The following PTPRA variants were observed in gnomAD, a reference collection of about 807,000 sequenced individuals.
The protein encoded by PTPRA is receptor-type tyrosine-protein phosphatase alpha.
A neutral mutation model predicts 104.8 loss-of-function variants in PTPRA; 25 were observed. The observed-to-expected ratio is 0.24, with a 90% CI of 0.17 to 0.33. The LOEUF is 0.33. Ranked by LOEUF, PTPRA falls within the 10% of genes least tolerant of loss-of-function variation. The pLI, the probability that PTPRA is intolerant of heterozygous loss-of-function variation, is 1.00. For missense variants in PTPRA, 765 were observed against 1,015.3 expected (o/e 0.75, Z 3.35); for synonymous variants, 323 against 368.9 (o/e 0.88, Z 1.43).
chr20:2,942,057 A>T (rs569010075), intron 2 of PTPRA, among the ~76,000 whole-genome samples: 1 of 152,238 alleles, frequency 6.6e-6, no homozygotes, highest in Non-Finnish European at 1.5e-5. Context: ...TAGTAGAAGG[A>T]ACAGGGCCTA....
rs147327436 is a variant in PTPRA at position 2,963,874 on chromosome 20, A to G, written c.-6-398A>G. ...GACAACATAGTGAGACGCCGTCTCT[A>G]CAGAAAATTTTAAAAATTAGCCAGG... On this transcript the variant is annotated intron_variant, in intron 3 of 23. Transcript: ENST00000399903. 4.9e-3 allele frequency among the ~76,000 whole-genome samples: 738 copies of G among 152,150 alleles called. 6 individuals are homozygous for G. Among genetic ancestry groups the G allele is most frequent in the African/African-American group, 0.016 (684 of 41,530 alleles).
chr20:2,923,972 A>G (rs1166936059), intron 2 of PTPRA, among the ~76,000 whole-genome samples: 6 of 152,248 alleles, frequency 3.9e-5, no homozygotes, highest in Non-Finnish European at 8.8e-5. Flanking sequence ...CTAATAACCC[A>G]GGAATTTCAA....
intron 2 of PTPRA, among the ~76,000 whole-genome samples, chr20:2,942,674 G>A (rs2060963264): frequency 6.6e-6 from 1 of 151,464 alleles, no homozygotes; most frequent in African/African-American, 2.4e-5. Context: ...TGAATCTCCA[G>A]CCTGCCAGCC....
the PTPRA span, chr20:2,866,077 G>T: frequency 1.3e-6 from 1 of 751,702 alleles, no homozygotes. Flanking sequence ...TGGGGGTTGG[G>T]GGATTATATG....
At chr20:2,961,356 C>A (rs913493942) in intron 3 of PTPRA, among the ~76,000 whole-genome samples, 3 of 152,110 alleles carry the variant, frequency 2.0e-5, no homozygotes, top group Admixed American at 6.5e-5. Flanking sequence ...GTAGTGGTAT[C>A]CCGTTTTAAT....
chr20:3,004,755 C>T (rs2063789071), intron 9 of PTPRA, among the ~76,000 whole-genome samples: 1 of 152,196 alleles, frequency 6.6e-6, no homozygotes, highest in African/African-American at 2.4e-5. Context: ...CCTTTTGGCC[C>T]AGTATCATAA....
chr20:3,019,484 G>A (rs1401364207), intron 13 of PTPRA, among the ~76,000 whole-genome samples: 1 of 151,604 alleles, frequency 6.6e-6, no homozygotes, highest in Non-Finnish European at 1.5e-5. Flanking sequence ...CGGGGCGGCA[G>A]GGCAGAGGTG....
chr20:2,908,895 T>C (rs2059524401), intron 1 of PTPRA, among the ~76,000 whole-genome samples: 2 of 152,278 alleles, frequency 1.3e-5, no homozygotes, highest in African/African-American at 2.4e-5. Context: ...TATGCATTAA[T>C]AAAAAATAAA....
At chr20:2,989,982 A>G (rs2063098853) in intron 9 of PTPRA, among the ~76,000 whole-genome samples, 1 of 152,234 alleles carries the variant, frequency 6.6e-6, no homozygotes. Context: ...ATGCTACTGC[A>G]CTGCAGCCTG....
intron 3 of PTPRA, among the ~76,000 whole-genome samples, chr20:2,959,573 T>C (rs1353206413): frequency 6.6e-6 from 1 of 152,218 alleles, no homozygotes; most frequent in Non-Finnish European, 1.5e-5. Context: ...ACTTTTTTTT[T>C]CTTAGAGAAA....
In PTPRA at chr20:3,027,727, CTA is replaced by C; in HGVS notation, c.1810_1811del (p.Ile604ArgfsTer11). On this transcript the variant is annotated frameshift_variant, in exon 20 of 24. Coordinates refer to ENST00000399903, the MANE Select transcript of PTPRA (RefSeq NM_001385305.1). LOFTEE classifies it high-confidence loss of function. Reference sequence around the variant, plus strand: ...TGCAGGGCTACCGGCAGAAGGACTCCTATATCGCCAGCCAGGGCCCTCTTCTC... The same window carrying C: ...TGCAGGGCTACCGGCAGAAGGACTCCTATCGCCAGCCAGGGCCCTCTTCTC... ...FIDGYRQKDS[Y>X]IASQGPLLHT... 6.2e-7 allele frequency: 1 copy of C among 1,614,068 alleles called. No homozygotes were observed. The highest frequency in any genetic ancestry group is 8.5e-7 in the Non-Finnish European group (1 of 1,180,002).
chr20:2,881,334 C>A (rs2090039229), intron 1 of PTPRA, among the ~76,000 whole-genome samples: 2 of 151,210 alleles, frequency 1.3e-5, no homozygotes, highest in South Asian at 2.1e-4. Flanking sequence ...GTATGTAAAA[C>A]CTTGAGATAT....
At position 2,978,722 on chromosome 20, in the gene PTPRA, G is replaced by A. The variant is rs1209417537; in HGVS notation, c.442+3481G>A. On this transcript the variant is annotated intron_variant, in intron 6 of 23. Transcript: ENST00000399903. The stretch of plus-strand genomic sequence containing the variant: ...ATGAAGTTGGGGTTGAAACAGTTTC[G>A]GTTTGTAACCATACTGTCTCTGTCT... Among the ~76,000 whole-genome samples, 6 of 152,226 alleles carry A rather than the reference G, an allele frequency of 3.9e-5. No individual in the cohort carries two copies. The East Asian group carries it at 7.7e-4, about 20-fold the overall frequency.
chr20:3,000,846 A>T (rs1413937331), intron 9 of PTPRA, among the ~76,000 whole-genome samples: 1 of 152,212 alleles, frequency 6.6e-6, no homozygotes, highest in South Asian at 2.1e-4. Flanking sequence ...AATATGAGAT[A>T]CAAATAAAGG....
At chr20:3,003,895 A>G (rs547578226) in intron 9 of PTPRA, among the ~76,000 whole-genome samples, 97 of 152,182 alleles carry the variant, frequency 6.4e-4, no homozygotes, top group African/African-American at 2.2e-3. Context: ...AGAGGAGAAC[A>G]GATCAAATAA....
rs147499016 is a variant in PTPRA at position 2,964,609 on chromosome 20, ACT to A, written c.74-249_74-248del. 6.2e-3 allele frequency among the ~76,000 whole-genome samples: 943 copies of A among 152,244 alleles called. 8 individuals are homozygous for A. Among genetic ancestry groups the A allele is most frequent in the African/African-American group, 0.021 (884 of 41,532 alleles). On this transcript the variant is annotated intron_variant, in intron 4 of 23. Coordinates refer to ENST00000399903, the MANE Select transcript of PTPRA (RefSeq NM_001385305.1). ...GTAAAATAAATTGTTGACATTTACA[ACT>A]CTATATATGGTTTCTGAGGAACTAA...
chr20:3,015,735 T>C (rs772550783), intron 11 of PTPRA, 114 bp from the exon 12 acceptor site: 18 of 814,458 alleles, frequency 2.2e-5, no homozygotes, highest in Non-Finnish European at 3.6e-5. Context: ...GAAATCCCCG[T>C]TAAGTACCTG....
chr20:3,003,762 T>A (rs924427321), intron 9 of PTPRA, among the ~76,000 whole-genome samples: 1 of 149,530 alleles, frequency 6.7e-6, no homozygotes, highest in African/African-American at 2.5e-5. Context: ...CCCAGGCTGG[T>A]CTCAAACTTC....
intron 1 of PTPRA, among the ~76,000 whole-genome samples, chr20:2,886,037 C>T (rs1600059038): frequency 1.3e-5 from 2 of 152,036 alleles, no homozygotes; most frequent in South Asian, 2.1e-4. Context: ...CCAGTGTGGG[C>T]GACAGAGCAA....
Sources: gnomAD v4.1 joint callset for allele counts (sites outside exome capture counted in the v4.1 genomes callset) on GRCh38, gnomAD v4.1.1 for gene constraint, MANE v1.5 for transcripts, NCBI Gene and HGNC (gene_info 2026-07-23, HGNC 2026-07-21) for gene names.